The following IL1RAPL2 variants were observed in gnomAD, a reference collection of about 807,000 sequenced individuals.
The protein encoded by IL1RAPL2 is interleukin 1 receptor accessory protein like 2.
Under a neutral mutation model 44.1 loss-of-function variants are expected in IL1RAPL2, and 3 were observed. The ratio of observed to expected loss-of-function variants is 0.07; its 90% CI spans 0.03 to 0.18. The LOEUF is 0.18. Among genes scored for constraint, IL1RAPL2 ranks in the 10% least tolerant of loss-of-function variants. The probability of loss-of-function intolerance (pLI) is 1.00; values close to 1 mark genes in which losing one functional copy is unlikely to be tolerated. For missense variants in IL1RAPL2, 391 were observed against 496.4 expected (o/e 0.79, Z 2.02); for synonymous variants, 181 against 178.8 (o/e 1.01, Z -0.10).
intron 6 of IL1RAPL2, among the ~76,000 whole-genome samples, chrX:105,687,196 T>C (rs1256283675): frequency 5.6e-5 from 6 of 107,942 alleles, no homozygotes; most frequent in Non-Finnish European, 9.6e-5. Flanking sequence ...ATTCAAAAGC[T>C]AGCAGAAGGC....
rs896972112 is a variant in IL1RAPL2 at position 104,906,898 on chromosome X, T to G, written c.82+247903T>G. Among the ~76,000 whole-genome samples, 3 of 112,022 alleles carry G rather than the reference T, an allele frequency of 2.7e-5. No individual in the cohort carries two copies. In the Admixed American group the frequency reaches 2.8e-4, roughly 11 times the overall value. ...AAGGAAACTAGTTCCTCCTTGTACC[T>G]CTCATAGAATTCGGCTGTGAATCCT... On this transcript the variant is annotated intron_variant, in intron 2 of 10. Coordinates refer to ENST00000372582, the MANE Select transcript of IL1RAPL2 (RefSeq NM_017416.2).
At chrX:104,971,008 T>G (rs1301050023) in intron 2 of IL1RAPL2, among the ~76,000 whole-genome samples, 1 of 111,876 alleles carries the variant, frequency 8.9e-6, no homozygotes, top group Admixed American at 9.5e-5. Context: ...TATTAAGAAG[T>G]TAAGCAAACA....
At chrX:105,220,506 T>C in intron 3 of IL1RAPL2, 1 of 757,633 alleles carries the variant, frequency 1.3e-6, no homozygotes. Flanking sequence ...CCCGCCCTCT[T>C]GTCCCCGCCC....
intron 2 of IL1RAPL2, among the ~76,000 whole-genome samples, chrX:104,852,225 A>G (rs1335501906): frequency 8.9e-6 from 1 of 112,361 alleles, no homozygotes; most frequent in East Asian, 2.8e-4. Flanking sequence ...AACAATATGC[A>G]TATTCAGGAA....
intron 10 of IL1RAPL2, among the ~76,000 whole-genome samples, chrX:105,760,416 G>T: frequency 8.9e-6 from 1 of 111,897 alleles, no homozygotes; most frequent in Middle Eastern, 4.6e-3. Context: ...AAAGAAAGAG[G>T]TGGAGGGTAT....
chrX:105,046,968 G>A (rs1248670604), intron 2 of IL1RAPL2, among the ~76,000 whole-genome samples: 2 of 109,090 alleles, frequency 1.8e-5, no homozygotes, highest in Non-Finnish European at 3.8e-5. Context: ...ACCCCATTCT[G>A]CCCGCTCCCT....
chrX:104,585,343 T>TTATATAA (rs1928523106), intron 1 of IL1RAPL2, among the ~76,000 whole-genome samples: 3 of 17,865 alleles, frequency 1.7e-4, no homozygotes, highest in African/African-American at 7.3e-4. Flanking sequence ...ATATTATATA[T>TTATATAA]TATATATATT....
At chrX:104,585,240 A>T (rs1477813252) in intron 1 of IL1RAPL2, among the ~76,000 whole-genome samples, 3 of 43,998 alleles carry the variant, frequency 6.8e-5, no homozygotes, top group Non-Finnish European at 1.1e-4. Flanking sequence ...GTATATATAT[A>T]ATATATGATA....
At chrX:105,179,971 C>A (rs1346735934) in intron 2 of IL1RAPL2, among the ~76,000 whole-genome samples, 5 of 106,599 alleles carry the variant, frequency 4.7e-5, no homozygotes, top group Non-Finnish European at 7.8e-5. Flanking sequence ...ATTTGGATGT[C>A]TTTTTTTTTT....
intron 2 of IL1RAPL2, among the ~76,000 whole-genome samples, chrX:105,097,597 T>G (rs1173105527): frequency 9.0e-6 from 1 of 111,568 alleles, no homozygotes; most frequent in Non-Finnish European, 1.9e-5. Context: ...TTTATAAAAT[T>G]TTTCACTTAA....
At position 104,596,822 on chromosome X, in the gene IL1RAPL2, C is replaced by A. The variant is rs189525615; in HGVS notation, c.-20+29771C>A. The stretch of plus-strand genomic sequence containing the variant: ...CATTCAAGGATGAGGAAGTAACATG[C>A]GCAGTAATGACAGAGTCAGGAACAG... On this transcript the variant is annotated intron_variant, in intron 1 of 10. Coordinates refer to ENST00000372582, the MANE Select transcript of IL1RAPL2 (RefSeq NM_017416.2). 5.4e-5 allele frequency among the ~76,000 whole-genome samples: 6 copies of A among 111,237 alleles called. No homozygotes were observed. The East Asian group carries it at 1.4e-3, about 26-fold the overall frequency.
intron 2 of IL1RAPL2, among the ~76,000 whole-genome samples, chrX:104,825,825 A>T (rs138698356): frequency 0.011 from 1,267 of 112,149 alleles, 14 homozygotes; most frequent in African/African-American, 0.039. Context: ...AGTAGAGTTT[A>T]GGTAGGTCAT....
chrX:105,607,180 A>G (rs7055965), intron 6 of IL1RAPL2, among the ~76,000 whole-genome samples: 6,901 of 110,804 alleles, frequency 0.062, 568 homozygotes, highest in African/African-American at 0.21. Context: ...AATTTAAAAA[A>G]GTGATCAATA....
chrX:104,989,569 C>G (rs1334091171), intron 2 of IL1RAPL2, among the ~76,000 whole-genome samples: 1 of 111,704 alleles, frequency 9.0e-6, no homozygotes, highest in African/African-American at 3.3e-5. Flanking sequence ...TACATTCATA[C>G]AGTCCTCTTA....
Position 104,777,207 on chromosome X carries a change from C to T in IL1RAPL2, c.82+118212C>T, listed in dbSNP as rs182938482. Among the ~76,000 whole-genome samples the T allele has an allele frequency of 7.2e-5, 8 of 110,925 alleles. No individual in the cohort carries two copies. In the East Asian group the frequency reaches 1.7e-3, roughly 24 times the overall value. ...TCTATATCCACTAAGCAATAAGTCA[C>T]TATCCACCCTCCCCCTACCCACTGG... On this transcript the variant is annotated intron_variant, in intron 2 of 10. Transcript: ENST00000372582.
chrX:105,399,196 G>A (rs906956835), intron 5 of IL1RAPL2, among the ~76,000 whole-genome samples: 18 of 111,113 alleles, frequency 1.6e-4, no homozygotes, highest in African/African-American at 4.9e-4. Flanking sequence ...TCTCTAATTG[G>A]CACCACCAAT....
intron 2 of IL1RAPL2, among the ~76,000 whole-genome samples, chrX:104,729,140 GA>G (rs1164943197): frequency 2.7e-5 from 3 of 109,842 alleles, no homozygotes; most frequent in African/African-American, 9.9e-5. Context: ...GCAGGAAGGA[GA>G]AAAAAAGAAG....
chrX:105,197,916 A>G (rs782640642), intron 3 of IL1RAPL2, among the ~76,000 whole-genome samples: 1 of 109,349 alleles, frequency 9.1e-6, no homozygotes, highest in Non-Finnish European at 1.9e-5. Context: ...CCCTCCTCCC[A>G]CTCTCCACCC....
At chrX:104,897,320 C>A (rs1370439592) in intron 2 of IL1RAPL2, among the ~76,000 whole-genome samples, 22 of 112,011 alleles carry the variant, frequency 2.0e-4, no homozygotes, top group Non-Finnish European at 1.1e-4. Context: ...TTTAATGTGG[C>A]CTTTCTACAT....
Sources: allele counts gnomAD v4.1 joint callset (sites outside exome capture counted in the v4.1 genomes callset), GRCh38; gene constraint gnomAD v4.1.1; transcripts MANE v1.5; gene names NCBI Gene and HGNC (gene_info 2026-07-23, HGNC 2026-07-21).